The following TRPC4 variants were observed in gnomAD, a reference collection of about 807,000 sequenced individuals.
TRPC4 encodes short transient receptor potential channel 4.
Under a neutral mutation model 99.4 loss-of-function variants are expected in TRPC4, and 49 were observed. The observed-to-expected ratio is 0.49, with a 90% confidence interval of 0.39 to 0.63. The LOEUF (loss-of-function observed/expected upper bound fraction) is 0.63. Among genes scored for constraint, TRPC4 ranks in the 20% least tolerant of loss-of-function variants. The pLI, the probability that TRPC4 is intolerant of heterozygous loss-of-function variation, is 0.00. For synonymous variants in TRPC4, 454 were observed against 425.9 expected (o/e 1.07, Z -0.81); for missense variants, 898 against 1,152.9 (o/e 0.78, Z 3.20).
chr13:37,685,823 G>A (rs1249767309), intron 4 of TRPC4, among the ~76,000 whole-genome samples: 1 of 151,978 alleles, frequency 6.6e-6, no homozygotes, highest in Non-Finnish European at 1.5e-5. Context: ...AGCATTAATA[G>A]GGGCACACAC....
At chr13:37,857,087 T>C (rs552491724) in intron 1 of TRPC4, among the ~76,000 whole-genome samples, 1 of 151,706 alleles carries the variant, frequency 6.6e-6, no homozygotes, top group East Asian at 1.9e-4. Context: ...ACTTGCAAGA[T>C]ACAAAATTAA....
intron 3 of TRPC4, among the ~76,000 whole-genome samples, chr13:37,724,098 T>C (rs994039508): frequency 1.3e-5 from 2 of 152,194 alleles, no homozygotes; most frequent in Non-Finnish European, 2.9e-5. Context: ...ATGAATTCCA[T>C]ATATCACTTC....
intron 5 of TRPC4, among the ~76,000 whole-genome samples, chr13:37,667,118 T>C (rs949370463): frequency 1.8e-4 from 27 of 152,204 alleles, no homozygotes; most frequent in African/African-American, 6.5e-4. Flanking sequence ...AATTTGAGGT[T>C]CCTCCTAGAA....
rs1386697561 is a variant in TRPC4, at chr13:37,637,422, C to T, written c.2415G>A (p.Pro805=). The change falls in exon 11 of 11, where the codon CCG becomes CCA. Residue 805 remains proline (P), a synonymous_variant. Coordinates refer to ENST00000379705, the MANE Select transcript of TRPC4 (RefSeq NM_016179.4). ...SLFDLTTLIH[P]RSAAIASERH... is the part of the protein sequence containing the mutation. ...TTTCAGAGGCAATTGCTGCTGATCTCGGATGAATCAGGGTGGTTAAATCAA... is the reference window on the plus strand; with the variant it reads ...TTTCAGAGGCAATTGCTGCTGATCTTGGATGAATCAGGGTGGTTAAATCAA... 6 of 1,613,664 alleles carry T rather than the reference C, an allele frequency of 3.7e-6. No homozygotes were observed. The East Asian group carries it at 6.7e-5, about 18-fold the overall frequency.
intron 10 of TRPC4, 106 bp downstream of exon 10, chr13:37,638,934 C>T: frequency 1.7e-6 from 2 of 1,175,470 alleles, no homozygotes; most frequent in Non-Finnish European, 2.5e-6. Flanking sequence ...GCCACACAGG[C>T]TTGCTGGAAC....
intron 3 of TRPC4, among the ~76,000 whole-genome samples, chr13:37,744,423 G>A (rs927156669): frequency 1.3e-5 from 2 of 152,090 alleles, no homozygotes; most frequent in South Asian, 2.1e-4. Context: ...TGCTGACAAG[G>A]ACTCAAAATA....
At chr13:37,735,721 T>C (rs1566130953) in intron 3 of TRPC4, among the ~76,000 whole-genome samples, 1 of 152,172 alleles carries the variant, frequency 6.6e-6, no homozygotes, top group Non-Finnish European at 1.5e-5. Context: ...TAGCCTAATG[T>C]TTTTGATTCT....
chr13:37,718,406 A>T (rs1954751219), intron 3 of TRPC4, among the ~76,000 whole-genome samples: 1 of 151,882 alleles, frequency 6.6e-6, no homozygotes, highest in Admixed American at 6.6e-5. Context: ...AGAAGCAGGA[A>T]AATGTGATCC....
chr13:37,793,615 A>C (rs1290418903), intron 1 of TRPC4, among the ~76,000 whole-genome samples: 2 of 152,134 alleles, frequency 1.3e-5, no homozygotes, highest in Non-Finnish European at 1.5e-5. Context: ...AGGAAATATA[A>C]GTAGAAAATG....
intron 2 of TRPC4, among the ~76,000 whole-genome samples, chr13:37,770,948 A>G (rs780731117): frequency 2.6e-5 from 4 of 151,612 alleles, no homozygotes; most frequent in Non-Finnish European, 5.9e-5. Flanking sequence ...GTACTTGTCT[A>G]TATCTTCTTT....
chr13:37,741,970 A>C (rs1461038488), intron 3 of TRPC4, among the ~76,000 whole-genome samples: 1 of 151,592 alleles, frequency 6.6e-6, no homozygotes, highest in Admixed American at 6.6e-5. Context: ...TTCATACTTC[A>C]GAAGTGTATT....
intron 6 of TRPC4, among the ~76,000 whole-genome samples, 164 bp from the exon 7 acceptor site, chr13:37,655,447 G>A (rs958196503): frequency 3.3e-5 from 5 of 150,638 alleles, no homozygotes; most frequent in African/African-American, 4.9e-5. Context: ...AAAATTAAAC[G>A]ATAAAAAGAG....
intron 3 of TRPC4, among the ~76,000 whole-genome samples, chr13:37,703,699 G>T (rs1184509667): frequency 6.6e-6 from 1 of 152,238 alleles, no homozygotes; most frequent in Admixed American, 6.5e-5. Context: ...GTTGATACAT[G>T]TTTGCAGACA....
chr13:37,697,366 A>T (rs77756022), intron 3 of TRPC4, among the ~76,000 whole-genome samples: 98 of 152,320 alleles, frequency 6.4e-4, no homozygotes, highest in Non-Finnish European at 1.2e-3. Flanking sequence ...ACATGAAATA[A>T]ACTGAAAATT....
intron 3 of TRPC4, among the ~76,000 whole-genome samples, chr13:37,703,193 G>A (rs989539721): frequency 6.6e-6 from 1 of 152,094 alleles, no homozygotes; most frequent in Non-Finnish European, 1.5e-5. Flanking sequence ...CGTTCCTAAG[G>A]TTGAATTATC....
At chr13:37,677,587 G>A (rs1303241189) in intron 4 of TRPC4, among the ~76,000 whole-genome samples, 1 of 152,034 alleles carries the variant, frequency 6.6e-6, no homozygotes, top group Non-Finnish European at 1.5e-5. Flanking sequence ...AAGATAAAAA[G>A]GCGAATTTGC....
At chr13:37,736,979 T>C (rs982488217) in intron 3 of TRPC4, among the ~76,000 whole-genome samples, 5 of 150,688 alleles carry the variant, frequency 3.3e-5, no homozygotes, top group African/African-American at 4.9e-5. Flanking sequence ...GCGATCTGCC[T>C]GCCTTGGCCT....
chr13:37,694,321 CT>C (rs1953838304), intron 3 of TRPC4, among the ~76,000 whole-genome samples: 1 of 152,148 alleles, frequency 6.6e-6, no homozygotes, highest in South Asian at 2.1e-4. Context: ...CTGTAAGGGA[CT>C]AAGTACTAAG....
intron 1 of TRPC4, among the ~76,000 whole-genome samples, chr13:37,850,738 T>A (rs1352156621): frequency 6.6e-6 from 1 of 152,114 alleles, no homozygotes; most frequent in African/African-American, 2.4e-5. Flanking sequence ...TAAATAAATA[T>A]GAAAATAAAT....
Sources: gnomAD v4.1 joint callset for allele counts (sites outside exome capture counted in the v4.1 genomes callset) on GRCh38, gnomAD v4.1.1 for gene constraint, MANE v1.5 for transcripts, NCBI Gene and HGNC (gene_info 2026-07-23, HGNC 2026-07-21) for gene names.